Variants in MEOX2 observed in about 807,000 individuals in gnomAD.
MEOX2 encodes mesenchyme homeobox 2.
In MEOX2, 11 loss-of-function variants were observed where a neutral mutation model predicts 27.0. That is an observed-to-expected ratio of 0.41 (90% CI 0.26 to 0.68). The LOEUF (loss-of-function observed/expected upper bound fraction) is 0.68, where lower values mean the gene tolerates loss of function less well. Among genes scored for constraint, MEOX2 ranks in the 30% least tolerant of loss-of-function variants. The pLI is 0.33. For missense variants in MEOX2, 436 were observed against 385.4 expected (o/e 1.13, Z -1.10); for synonymous variants, 189 against 155.4 (o/e 1.22, Z -1.61).
intron 2 of MEOX2, among the ~76,000 whole-genome samples, chr7:15,625,700 G>T (rs1781292220): frequency 2.0e-5 from 3 of 152,120 alleles, no homozygotes; most frequent in Admixed American, 6.6e-5. Context: ...AAAGATGTTT[G>T]CATTTGCCTT....
Position 15,686,038 on chromosome 7 carries a change from C to T in MEOX2, c.365G>A (p.Ser122Asn), listed in dbSNP as rs1236917450. The change falls in exon 1 of 3, where the codon AGC (serine) becomes AAC (asparagine). Residue 122 changes from serine (S) to asparagine (N), a missense_variant. Ser to Asn is a conservative substitution (Grantham distance 46). Transcript: ENST00000262041. The part of the protein sequence containing the change: ...PDSGGPPELG[S>N]SPPVLCSNSS... ...GTTGGAGCACAGGACGGGCGGGCTG[C>T]TCCCCAACTCTGGGGGCCCTCCAGA... is the stretch of plus-strand genomic sequence containing the variant. The T allele has an allele frequency of 2.5e-6, 4 of 1,605,354 alleles. No homozygotes were observed. The highest frequency in any genetic ancestry group is 1.3e-5 in the African/African-American group (1 of 74,802).
At chr7:15,641,594 G>A (rs1028708280) in intron 1 of MEOX2, among the ~76,000 whole-genome samples, 1 of 151,984 alleles carries the variant, frequency 6.6e-6, no homozygotes, top group Non-Finnish European at 1.5e-5. Context: ...TTTTAAGTGG[G>A]GCAGTTAGGC....
At chr7:15,644,771 C>T (rs569374563) in intron 1 of MEOX2, among the ~76,000 whole-genome samples, 1 of 152,244 alleles carries the variant, frequency 6.6e-6, no homozygotes, top group East Asian at 1.9e-4. Flanking sequence ...GAATTATACC[C>T]AGTTGTGTGC....
At chr7:15,671,204 C>G (rs1583786804) in intron 1 of MEOX2, among the ~76,000 whole-genome samples, 1 of 151,892 alleles carries the variant, frequency 6.6e-6, no homozygotes, top group African/African-American at 2.4e-5. Flanking sequence ...TTAAAAATGC[C>G]CATATCACTC....
chr7:15,672,360 T>C (rs1237562004), intron 1 of MEOX2, among the ~76,000 whole-genome samples: 1 of 152,152 alleles, frequency 6.6e-6, no homozygotes, highest in East Asian at 1.9e-4. Flanking sequence ...CTGCACAGAA[T>C]GTATATAGAA....
chr7:15,683,161 G>T (rs1202583437), intron 1 of MEOX2, among the ~76,000 whole-genome samples: 1 of 151,894 alleles, frequency 6.6e-6, no homozygotes, highest in South Asian at 2.1e-4. Context: ...AAATATTTAA[G>T]CTGTTTTTCA....
Position 15,611,238 on chromosome 7 carries a change from C to A in MEOX2, c.*1149G>T, listed in dbSNP as rs1781024653. 1 of 152,098 alleles carries A rather than the reference C, an allele frequency of 6.6e-6. No homozygotes were observed. Among genetic ancestry groups the A allele is most frequent in the African/African-American group, 2.4e-5 (1 of 41,426 alleles). The allele number at this position is 152,098 out of a possible 1,614,324, so 9.4% of individuals were successfully genotyped here. On this transcript the variant is annotated 3_prime_UTR_variant, in exon 3 of 3. Coordinates refer to ENST00000262041, the MANE Select transcript of MEOX2 (RefSeq NM_005924.5). ...TATTTACAAAGGATCATTTATTAAA[C>A]ACATTTTAAAAACAAAATACAAAGA...
chr7:15,637,828 T>C (rs1157999077), intron 1 of MEOX2, among the ~76,000 whole-genome samples: 3 of 152,030 alleles, frequency 2.0e-5, no homozygotes, highest in Admixed American at 6.6e-5. Flanking sequence ...GAAATTCAGA[T>C]TCCCCATCTA....
chr7:15,669,834 A>G (rs1782067837), intron 1 of MEOX2, among the ~76,000 whole-genome samples: 1 of 152,192 alleles, frequency 6.6e-6, no homozygotes, highest in African/African-American at 2.4e-5. Flanking sequence ...ATTTCTAAAG[A>G]CTACATCTAT....
intron 1 of MEOX2, among the ~76,000 whole-genome samples, chr7:15,633,073 G>T (rs564338407): frequency 1.1e-4 from 17 of 151,938 alleles, no homozygotes; most frequent in African/African-American, 4.1e-4. Context: ...AACTCCTTTT[G>T]TTCCTTTCTT....
At chr7:15,614,421 A>AG (rs982710238) in intron 2 of MEOX2, among the ~76,000 whole-genome samples, 18 of 151,452 alleles carry the variant, frequency 1.2e-4, no homozygotes, top group African/African-American at 4.4e-4. Context: ...CTCAAAAAGA[A>AG]AAAAAAAGTT....
At chr7:15,647,122 T>C (rs998067427) in intron 1 of MEOX2, among the ~76,000 whole-genome samples, 2 of 152,082 alleles carry the variant, frequency 1.3e-5, no homozygotes, top group Non-Finnish European at 2.9e-5. Flanking sequence ...TCAGTACTTC[T>C]ACAGGAAGAA....
intron 1 of MEOX2, among the ~76,000 whole-genome samples, chr7:15,658,036 C>T (rs1781851342): frequency 6.6e-6 from 1 of 152,196 alleles, no homozygotes; most frequent in African/African-American, 2.4e-5. Flanking sequence ...TCTGATAATG[C>T]CACCTTAGCT....
chr7:15,644,460 C>G lies in MEOX2; in HGVS notation c.518-17542G>C, dbSNP rs563350923. 3.8e-3 allele frequency among the ~76,000 whole-genome samples: 572 copies of G among 152,182 alleles called. 6 individuals carry two copies. Among genetic ancestry groups the G allele is most frequent in the African/African-American group, 0.013 (539 of 41,518 alleles). ...ACAAGGAATCTAAAAGAGCAAAATC[C>G]TTATATGCCTGAAACAGAGGAGGAT... On this transcript the variant is annotated intron_variant, in intron 1 of 2. Transcript: ENST00000262041.
intron 2 of MEOX2, among the ~76,000 whole-genome samples, chr7:15,618,229 T>C (rs1386261723): frequency 6.6e-6 from 1 of 152,086 alleles, no homozygotes; most frequent in Non-Finnish European, 1.5e-5. Context: ...ATCCCATTTT[T>C]ACAGGAGATA....
rs576776930 is a variant in MEOX2 at position 15,638,464 on chromosome 7, A to G, written c.518-11546T>C. Among the ~76,000 whole-genome samples, 8 of 152,200 alleles carry G rather than the reference A, an allele frequency of 5.3e-5. No homozygotes were observed. In the South Asian group the frequency reaches 1.5e-3, roughly 28 times the overall value. The stretch of plus-strand genomic sequence containing the variant: ...CATATGCATTTAGTCTAATTCATGC[A>G]AATTTTGTGCATATGTAAAACATTT... On this transcript the variant is annotated intron_variant, in intron 1 of 2. Coordinates refer to ENST00000262041, the MANE Select transcript of MEOX2 (RefSeq NM_005924.5).
chr7:15,638,604 A>G (rs1781518243), intron 1 of MEOX2, among the ~76,000 whole-genome samples: 1 of 152,052 alleles, frequency 6.6e-6, no homozygotes, highest in Non-Finnish European at 1.5e-5. Flanking sequence ...TAAATAGTGA[A>G]CATGGTAGTA....
intron 1 of MEOX2, among the ~76,000 whole-genome samples, chr7:15,658,215 C>T (rs900884096): frequency 5.9e-5 from 9 of 152,154 alleles, no homozygotes; most frequent in Non-Finnish European, 4.4e-5. Context: ...GCTCTGGGTC[C>T]TTATTCAGGT....
intron 1 of MEOX2, among the ~76,000 whole-genome samples, chr7:15,637,111 T>A (rs996761205): frequency 6.4e-4 from 98 of 152,100 alleles, no homozygotes; most frequent in African/African-American, 2.2e-3. Context: ...GAAAATAATT[T>A]CACTGAAGTC....
Sources: gnomAD v4.1 joint callset for allele counts (sites outside exome capture counted in the v4.1 genomes callset) on GRCh38, gnomAD v4.1.1 for gene constraint, MANE v1.5 for transcripts, NCBI Gene and HGNC (gene_info 2026-07-23, HGNC 2026-07-21) for gene names.